DYNC1I1: variants seen among roughly 807,000 people sequenced by gnomAD.
DYNC1I1 encodes cytoplasmic dynein 1 intermediate chain 1.
DYNC1I1 carries 43 observed loss-of-function variants against 86.6 expected under a neutral mutation model. The ratio of observed to expected loss-of-function variants is 0.50; its 90% confidence interval spans 0.39 to 0.64. The LOEUF (loss-of-function observed/expected upper bound fraction) is 0.64, where lower values mean the gene tolerates loss of function less well. DYNC1I1 is among the 30% of genes least tolerant of loss of function. The pLI, the probability that DYNC1I1 is intolerant of heterozygous loss-of-function variation, is 0.00. For synonymous variants in DYNC1I1, 262 were observed against 283.7 expected (o/e 0.92, Z 0.77); for missense variants, 604 against 788.8 (o/e 0.77, Z 2.81).
intron 5 of DYNC1I1, among the ~76,000 whole-genome samples, chr7:95,843,158 G>T (rs1789335245): frequency 6.6e-6 from 1 of 152,104 alleles, no homozygotes; most frequent in South Asian, 2.1e-4. Flanking sequence ...TTGTGTAAAT[G>T]CCCAGAACTG....
At chr7:96,025,308 A>AACATATATGTCATGTAAT (rs1249850696) in intron 10 of DYNC1I1, among the ~76,000 whole-genome samples, 4 of 152,216 alleles carry the variant, frequency 2.6e-5, no homozygotes, top group Admixed American at 6.6e-5. Flanking sequence ...TATTTATTTT[A>AACATATATGTCATGTAAT]ACATATATGT....
Position 95,804,823 on chromosome 7 carries a change from A to T in DYNC1I1, c.94A>T (p.Arg32Trp). The change falls in exon 2 of 17, where the codon AGG (arginine) becomes TGG (tryptophan). Residue 32 changes from arginine (R) to tryptophan (W), a missense_variant. Physicochemically the swap from Arg to Trp is moderately radical, Grantham distance 101. Coordinates refer to ENST00000447467, the MANE Select transcript of DYNC1I1 (RefSeq NM_001135556.2). The stretch of plus-strand genomic sequence containing the variant: ...AGAGAAGAAACGGAAGGAAGAGGAG[A>T]GGAAAAAGAAAGAGGTAAATCCTGG... ...REEKKRKEEE[R>W]KKKEADMQQK... 1 of 1,560,876 alleles carries T rather than the reference A, an allele frequency of 6.4e-7. No individual in the cohort carries two copies. The highest frequency in any genetic ancestry group is 1.2e-5 in the South Asian group (1 of 85,054).
chr7:95,984,781 A>T, intron 7 of DYNC1I1, 34 bp from the exon 8 acceptor site: 1 of 1,548,506 alleles, frequency 6.5e-7, no homozygotes, highest in Non-Finnish European at 8.7e-7. Flanking sequence ...TTCTTCCCTA[A>T]CAATCTCTTT....
chr7:96,055,663 A>G (rs1352154865), intron 14 of DYNC1I1: 2 of 149,728 alleles, frequency 1.3e-5, no homozygotes, highest in African/African-American at 4.9e-5. Flanking sequence ...AAAAAAAAAC[A>G]GTGTAATTAT....
intron 6 of DYNC1I1, among the ~76,000 whole-genome samples, chr7:95,933,671 A>C (rs939914392): frequency 6.6e-6 from 1 of 152,190 alleles, no homozygotes; most frequent in Non-Finnish European, 1.5e-5. Context: ...AAACCCTTGC[A>C]GAGGTGACAT....
chr7:95,956,500 A>G (rs935558462), intron 6 of DYNC1I1, among the ~76,000 whole-genome samples: 4 of 151,266 alleles, frequency 2.6e-5, no homozygotes, highest in Non-Finnish European at 5.9e-5. Context: ...GGTCATCTAC[A>G]TTAGTTATTT....
Position 96,050,041 on chromosome 7 carries a change from A to AC in DYNC1I1, c.1509+10620_1509+10621insC, listed in dbSNP as rs554023014. Among the ~76,000 whole-genome samples, 133 of 151,948 alleles carry AC rather than the reference A, an allele frequency of 8.8e-4. 3 individuals carry two copies. Among genetic ancestry groups the AC allele is most frequent in the Middle Eastern group, 6.8e-3 (2 of 292 alleles). ...CATCTCAAAAAAAACAAACAAACAAAAAAAAAAACAGTATAGCTCAAAAAG... is the reference window on the plus strand; with the variant it reads ...CATCTCAAAAAAAACAAACAAACAAACAAAAAAAACAGTATAGCTCAAAAAG... On this transcript the variant is annotated intron_variant, in intron 14 of 16. Coordinates refer to ENST00000447467, the MANE Select transcript of DYNC1I1 (RefSeq NM_001135556.2).
At chr7:95,967,087 C>T (rs1793034945) in intron 6 of DYNC1I1, among the ~76,000 whole-genome samples, 3 of 151,954 alleles carry the variant, frequency 2.0e-5, no homozygotes, top group Non-Finnish European at 4.4e-5. Context: ...ACTAGACACC[C>T]ACATTGGGGC....
chr7:95,986,684 G>T lies in DYNC1I1; in HGVS notation c.744-372G>T, dbSNP rs144073841. ...AGTATCGATATCAAAGAATCCTCTGGTGTGCTGTGCTCCCTTGATAGCAGA... is the reference window on the plus strand; with the variant it reads ...AGTATCGATATCAAAGAATCCTCTGTTGTGCTGTGCTCCCTTGATAGCAGA... On this transcript the variant is annotated intron_variant, in intron 8 of 16. Coordinates refer to ENST00000447467, the MANE Select transcript of DYNC1I1 (RefSeq NM_001135556.2). 3.2e-3 allele frequency among the ~76,000 whole-genome samples: 483 copies of T among 152,034 alleles called. 11 individuals are homozygous for T. Among genetic ancestry groups the T allele is most frequent in the Admixed American group, 0.025 (379 of 15,262 alleles).
At chr7:96,020,572 A>G (rs1794521956) in intron 10 of DYNC1I1, among the ~76,000 whole-genome samples, 1 of 152,084 alleles carries the variant, frequency 6.6e-6, no homozygotes, top group Non-Finnish European at 1.5e-5. Flanking sequence ...GTCAAACCAT[A>G]TCACTGCTAT....
rs868431147 is a variant in DYNC1I1, at chr7:96,014,436, A to G, written c.970-13739A>G. ...GCCTTTCACTAACCTACTTCCCAGC[A>G]CACCGTGTGGATTACAAAGGGAAAT... On this transcript the variant is annotated intron_variant, in intron 10 of 16. Transcript: ENST00000447467. Among the ~76,000 whole-genome samples the G allele has an allele frequency of 7.9e-5, 12 of 152,284 alleles. No homozygotes were observed. The South Asian group carries it at 1.7e-3, about 21-fold the overall frequency.
chr7:95,838,245 A>T (rs1013228965), intron 5 of DYNC1I1, among the ~76,000 whole-genome samples: 1 of 152,070 alleles, frequency 6.6e-6, no homozygotes, highest in East Asian at 1.9e-4. Flanking sequence ...ATCCAATTTC[A>T]TTCTTTCAAA....
At position 96,026,976 on chromosome 7, in the gene DYNC1I1, A is replaced by G. The variant is rs115895941; in HGVS notation, c.970-1199A>G. On this transcript the variant is annotated intron_variant, in intron 10 of 16. Coordinates refer to ENST00000447467, the MANE Select transcript of DYNC1I1 (RefSeq NM_001135556.2). The stretch of plus-strand genomic sequence containing the variant: ...GGGTGTGCAAGTTGTGCTCTGCACA[A>G]GAACATCAGGCCAAAGGGACACGTG... 6.4e-3 allele frequency among the ~76,000 whole-genome samples: 968 copies of G among 152,364 alleles called. 15 individuals carry two copies. The highest frequency in any genetic ancestry group is 0.022 in the African/African-American group (906 of 41,584).
intron 4 of DYNC1I1, among the ~76,000 whole-genome samples, chr7:95,825,105 A>C (rs538242893): frequency 2.6e-4 from 39 of 152,334 alleles, no homozygotes; most frequent in African/African-American, 9.1e-4. Context: ...TTACTGAATA[A>C]CATAGGTGTG....
chr7:95,822,870 G>A lies in DYNC1I1; in HGVS notation c.315-5187G>A, dbSNP rs533223794. Among the ~76,000 whole-genome samples the A allele has an allele frequency of 3.9e-5, 6 of 152,324 alleles. No homozygotes were observed. In the South Asian group the frequency reaches 1.2e-3, roughly 32 times the overall value. On this transcript the variant is annotated intron_variant, in intron 4 of 16. Transcript: ENST00000447467. ...GTATCAAACAACAAAGGCTAGGTTG[G>A]TCATCCCAGGAATTCCAGAAAGGGG...
intron 16 of DYNC1I1, among the ~76,000 whole-genome samples, chr7:96,104,681 T>C (rs1483271740): frequency 2.0e-5 from 3 of 152,186 alleles, no homozygotes; most frequent in Non-Finnish European, 2.9e-5. Flanking sequence ...CAATTGTCCA[T>C]ATATGTATAG....
At chr7:95,816,012 T>A (rs898769951) in intron 4 of DYNC1I1, among the ~76,000 whole-genome samples, 5 of 100,410 alleles carry the variant, frequency 5.0e-5, no homozygotes, top group Non-Finnish European at 7.9e-5. Context: ...TCCCTCTTAT[T>A]GATTTTTTTT....
intron 1 of DYNC1I1, among the ~76,000 whole-genome samples, chr7:95,785,076 A>T (rs1562891262): frequency 6.6e-6 from 1 of 152,178 alleles, no homozygotes; most frequent in African/African-American, 2.4e-5. Flanking sequence ...CTGCCAGACA[A>T]TGGGAATGCT....
intron 1 of DYNC1I1, among the ~76,000 whole-genome samples, chr7:95,793,156 G>A (rs947937444): frequency 6.6e-6 from 1 of 152,128 alleles, no homozygotes; most frequent in Non-Finnish European, 1.5e-5. Context: ...AGTTAGGAGA[G>A]TATTGCAATT....
Sources: allele counts gnomAD v4.1 joint callset (sites outside exome capture counted in the v4.1 genomes callset), GRCh38; gene constraint gnomAD v4.1.1; transcripts MANE v1.5; gene names NCBI Gene and HGNC (gene_info 2026-07-23, HGNC 2026-07-21).